The following AQP9 variants were observed in gnomAD, a reference collection of about 807,000 sequenced individuals.
AQP9 encodes the protein aquaporin 9.
In AQP9, 19 loss-of-function variants were observed where a neutral mutation model predicts 23.8. That is an observed-to-expected ratio of 0.80 (90% CI 0.56 to 1.17). AQP9 has a LOEUF of 1.17. Among genes scored for constraint, AQP9 ranks in the 50% most tolerant of loss-of-function variants. AQP9 has a pLI of 0.00. For synonymous variants in AQP9, 153 were observed against 131.5 expected (o/e 1.16, Z -1.12); for missense variants, 413 against 362.0 (o/e 1.14, Z -1.14).
chr15:58,166,155 G>A (rs1461875524), intron 1 of AQP9, among the ~76,000 whole-genome samples: 3 of 152,136 alleles, frequency 2.0e-5, no homozygotes, highest in African/African-American at 7.2e-5. Flanking sequence ...GAGGCCAGGA[G>A]GGTGACCTAA....
At chr15:58,179,085 C>T (rs1566991071) in intron 4 of AQP9, 43 bp from the exon 5 acceptor site, 1 of 1,395,784 alleles carries the variant, frequency 7.2e-7, no homozygotes, top group Non-Finnish European at 1.0e-6. Flanking sequence ...TGCAGGTGAG[C>T]AGAATGCAGG....
intron 2 of AQP9, 59 bp from the exon 3 acceptor site, chr15:58,173,009 G>T: frequency 6.2e-7 from 1 of 1,604,650 alleles, no homozygotes; most frequent in Non-Finnish European, 8.5e-7. Context: ...TCTCTAGATG[G>T]TTTTCTGTAT....
At chr15:58,145,042 A>C (rs1898019477) in intron 1 of AQP9, among the ~76,000 whole-genome samples, 1 of 151,496 alleles carries the variant, frequency 6.6e-6, no homozygotes, top group African/African-American at 2.4e-5. Context: ...AAGATAAAAG[A>C]AAAAAACTCT....
In AQP9 at chr15:58,185,633, G is replaced by A. The variant is rs1015201474; in HGVS notation, c.*1498G>A. ...CTTTTCCCCTTGAAGTTCTCTAATA[G>A]ATGTTACTTTTGACAAAAGATCGCC... On this transcript the variant is annotated 3_prime_UTR_variant, in exon 6 of 6. Transcript: ENST00000219919. The A allele has an allele frequency of 3.3e-5, 5 of 152,192 alleles. No individual in the cohort carries two copies. Among genetic ancestry groups the A allele is most frequent in the Non-Finnish European group, 5.9e-5 (4 of 68,046 alleles). 9.4% of individuals were successfully genotyped at this position (152,192 alleles called of 1,614,324 possible).
chr15:58,183,817 C>T, intron 5 of AQP9, 144 bp from the exon 6 acceptor site: 1 of 816,510 alleles, frequency 1.2e-6, no homozygotes, highest in South Asian at 1.8e-5. Flanking sequence ...TGCCATGCTG[C>T]ACTGAGCCCC....
chr15:58,173,282 G>C (rs1898665307), intron 3 of AQP9, 77 bp downstream of exon 3: 24 of 1,586,178 alleles, frequency 1.5e-5, no homozygotes, highest in Non-Finnish European at 2.0e-5. Context: ...GGTAGGCACA[G>C]GCGAGAAAAA....
chr15:58,168,830 A>G (rs1257707296), intron 2 of AQP9, among the ~76,000 whole-genome samples: 2 of 152,128 alleles, frequency 1.3e-5, no homozygotes, highest in Admixed American at 1.3e-4. Flanking sequence ...TCCCCCTATA[A>G]GCTCCCACTG....
At chr15:58,149,028 G>GT (rs1207994588) in intron 1 of AQP9, among the ~76,000 whole-genome samples, 1 of 152,170 alleles carries the variant, frequency 6.6e-6, no homozygotes, top group Non-Finnish European at 1.5e-5. Context: ...GAAGATCCAG[G>GT]TTTCAGTCTT....
At chr15:58,163,319 G>A (rs911716524) in intron 1 of AQP9, among the ~76,000 whole-genome samples, 1 of 152,200 alleles carries the variant, frequency 6.6e-6, no homozygotes, top group Non-Finnish European at 1.5e-5. Flanking sequence ...GAAGGTAGAA[G>A]AAATCTTAAA....
At position 58,169,826 on chromosome 15, in the gene AQP9, G is replaced by A. The variant is rs111455733; in HGVS notation, c.238+3027G>A. On this transcript the variant is annotated intron_variant, in intron 2 of 5. Transcript: ENST00000219919. ...GCATTTAGGCTGTCTAATGGCAATT[G>A]CTATTGATGTAGTATTTTATGACTA... Among the ~76,000 whole-genome samples, 572 of 152,296 alleles carry A rather than the reference G, an allele frequency of 3.8e-3. 3 individuals carry two copies. The highest frequency in any genetic ancestry group is 6.6e-3 in the Non-Finnish European group (448 of 68,028).
At chr15:58,147,212 T>C (rs1898062973) in intron 1 of AQP9, among the ~76,000 whole-genome samples, 1 of 152,200 alleles carries the variant, frequency 6.6e-6, no homozygotes, top group Admixed American at 6.5e-5. Context: ...GGAAGTATTT[T>C]TTTTTTCTAC....
intron 1 of AQP9, among the ~76,000 whole-genome samples, chr15:58,161,798 C>T (rs116217592): frequency 6.6e-6 from 1 of 152,068 alleles, no homozygotes; most frequent in Non-Finnish European, 1.5e-5. Flanking sequence ...TCATTTGATT[C>T]TTTATCAAAA....
Position 58,138,517 on chromosome 15 carries a change from A to T in AQP9, c.-49A>T. 6.7e-7 allele frequency: 1 copy of T among 1,493,696 alleles called. No individual in the cohort carries two copies. Among genetic ancestry groups the T allele is most frequent in the Middle Eastern group, 1.7e-4 (1 of 5,734 alleles). 92.5% of individuals were successfully genotyped at this position (1,493,696 alleles called of 1,614,324 possible). ...TCATCTGGCTGTGAAAGTGAGGACC[A>T]CAACAGGTAGGTATTGGTAGAAACA... On this transcript the variant is annotated 5_prime_UTR_variant, in exon 1 of 6. Coordinates refer to ENST00000219919, the MANE Select transcript of AQP9 (RefSeq NM_020980.5).
chr15:58,149,198 A>T (rs1294889847), intron 1 of AQP9, among the ~76,000 whole-genome samples: 5 of 152,150 alleles, frequency 3.3e-5, no homozygotes, highest in African/African-American at 1.2e-4. Flanking sequence ...GAACACTGGG[A>T]TGGGAATGAA....
intron 1 of AQP9, among the ~76,000 whole-genome samples, chr15:58,142,016 G>T (rs554897367): frequency 6.6e-6 from 1 of 152,226 alleles, no homozygotes; most frequent in East Asian, 1.9e-4. Context: ...CTGAGATAAG[G>T]GTGGGCAGAT....
intron 1 of AQP9, chr15:58,150,610 C>G (rs1204233580): frequency 6.6e-6 from 1 of 152,420 alleles, no homozygotes; most frequent in Admixed American, 6.5e-5. Context: ...AATCAATAAG[C>G]TTTGATAATA....
At chr15:58,169,055 C>A (rs568471435) in intron 2 of AQP9, among the ~76,000 whole-genome samples, 1 of 152,238 alleles carries the variant, frequency 6.6e-6, no homozygotes, top group South Asian at 2.1e-4. Context: ...GGGATTTCTG[C>A]AGTCACTGTA....
At chr15:58,180,260 T>G (rs1898852486) in intron 5 of AQP9, among the ~76,000 whole-genome samples, 1 of 152,172 alleles carries the variant, frequency 6.6e-6, no homozygotes, top group South Asian at 2.1e-4. Context: ...GAAAAACATG[T>G]GTGAGCAAAT....
At chr15:58,163,155 A>C (rs747001725) in intron 1 of AQP9, among the ~76,000 whole-genome samples, 1 of 152,184 alleles carries the variant, frequency 6.6e-6, no homozygotes, top group Non-Finnish European at 1.5e-5. Flanking sequence ...AAGATTAATG[A>C]GGAACTTTGA....
Sources: gnomAD v4.1 joint callset for allele counts (sites outside exome capture counted in the v4.1 genomes callset) on GRCh38, gnomAD v4.1.1 for gene constraint, MANE v1.5 for transcripts, NCBI Gene and HGNC (gene_info 2026-07-23, HGNC 2026-07-21) for gene names.